RNF6: variants seen among roughly 807,000 people sequenced by gnomAD.
RNF6 encodes E3 ubiquitin-protein ligase RNF6.
RNF6 carries 21 observed loss-of-function variants against 50.1 expected under a neutral mutation model. The ratio of observed to expected loss-of-function variants is 0.42; its 90% confidence interval spans 0.30 to 0.60. The LOEUF is 0.60. RNF6 is among the 20% of genes least tolerant of loss of function. RNF6 has a pLI of 0.20. For missense variants in RNF6, 698 were observed against 838.2 expected (o/e 0.83, Z 2.07); for synonymous variants, 255 against 291.8 (o/e 0.87, Z 1.29).
Position 26,155,470 on chromosome 13 carries a change from G to A in RNF6, n.769-23019C>T, listed in dbSNP as rs142992805. On this transcript the variant is annotated intron_variant and non_coding_transcript_variant, in intron 5 of 5. Transcript: ENST00000468480. ...ATCCCAGTGAAGTGGGGTGGAGGAT[G>A]GGGCAATAATATAGAACAGGGTTCA... Among the ~76,000 whole-genome samples the A allele has an allele frequency of 3.3e-3, 498 of 152,204 alleles. 1 individual carries two copies. Among genetic ancestry groups the A allele is most frequent in the Non-Finnish European group, 5.6e-3 (380 of 67,982 alleles).
At chr13:26,161,823 C>T (rs1872228639) in intron 5 of RNF6, among the ~76,000 whole-genome samples, 1 of 152,178 alleles carries the variant, frequency 6.6e-6, no homozygotes, top group Non-Finnish European at 1.5e-5. Flanking sequence ...TTTGCCCTGC[C>T]TAGCAGAAAA....
At chr13:26,150,701 G>A (rs1871545008) in intron 5 of RNF6, 1 of 149,394 alleles carries the variant, frequency 6.7e-6, no homozygotes, top group East Asian at 2.0e-4. Flanking sequence ...TAGACTTAAA[G>A]GAATTACACC....
Position 26,214,696 on chromosome 13 carries a change from T to C in RNF6, c.1186A>G (p.Thr396Ala), listed in dbSNP as rs769065679. ...RSSTAVRRHP[T>A]ITLDLQVRRI... is the part of the protein sequence containing the mutation. Reference sequence around the variant, plus strand: ...CTCACTTGAAGGTCCAGTGTGATTGTTGGATGTCGTCGTACAGCAGTTGAG... The same window carrying C: ...CTCACTTGAAGGTCCAGTGTGATTGCTGGATGTCGTCGTACAGCAGTTGAG... The change falls in exon 5 of 5, where the codon ACA becomes GCA. Residue 396 changes from threonine to alanine, a missense_variant. Thr to Ala is a moderately conservative substitution (Grantham distance 58, BLOSUM62 0). Coordinates refer to ENST00000381588, the MANE Select transcript of RNF6 (RefSeq NM_005977.4). 3.5e-5 allele frequency: 57 copies of C among 1,614,124 alleles called. No homozygotes were observed. The highest frequency in any genetic ancestry group is 4.5e-5 in the Non-Finnish European group (53 of 1,180,044).
intron 5 of RNF6, among the ~76,000 whole-genome samples, chr13:26,148,130 G>C (rs905786568): frequency 9.2e-5 from 14 of 152,090 alleles, no homozygotes; most frequent in African/African-American, 3.4e-4. Flanking sequence ...TTCACAAGGG[G>C]GCAGGAAAGA....
intron 5 of RNF6, among the ~76,000 whole-genome samples, chr13:26,197,312 C>T (rs1214852356): frequency 6.6e-6 from 1 of 151,944 alleles, no homozygotes; most frequent in African/African-American, 2.4e-5. Flanking sequence ...AAGCTTACAA[C>T]TACAAATCTT....
intron 5 of RNF6, among the ~76,000 whole-genome samples, chr13:26,198,773 A>G (rs1224593538): frequency 1.3e-5 from 2 of 152,082 alleles, no homozygotes; most frequent in Non-Finnish European, 2.9e-5. Flanking sequence ...TTAAATAAGT[A>G]AATTTAGCAA....
In RNF6 at chr13:26,213,900, C is replaced by T. The variant is rs553039667; in HGVS notation, c.1982G>A (p.Arg661Gln). 3.9e-5 allele frequency: 63 copies of T among 1,614,024 alleles called. No individual in the cohort carries two copies. In the Admixed American group the frequency reaches 5.3e-4, roughly 14 times the overall value. ...ACAAGTGCAATTCTCTGAGAGCCAT[C>T]GGTCAATACAATGAATGTGAAATTC... ...MHEFHIHCID[R>Q]WLSENCTCPI... Residue 661 changes from arginine (R) to glutamine (Q), a missense_variant, in exon 5 of 5, where the codon CGA becomes CAA. Physicochemically the swap from Arg to Gln is conservative, Grantham distance 43. Coordinates refer to ENST00000381588, the MANE Select transcript of RNF6 (RefSeq NM_005977.4).
At chr13:26,140,251 T>C (rs902137297) in intron 5 of RNF6, among the ~76,000 whole-genome samples, 1 of 152,204 alleles carries the variant, frequency 6.6e-6, no homozygotes, top group African/African-American at 2.4e-5. Context: ...CAGCCAAAAT[T>C]AATTGAAAGG....
At chr13:26,151,940 C>T (rs1181471972) in intron 5 of RNF6, among the ~76,000 whole-genome samples, 2 of 152,266 alleles carry the variant, frequency 1.3e-5, no homozygotes, top group East Asian at 1.9e-4. Flanking sequence ...CTTTTCCTCA[C>T]GCAAGGCACC....
At chr13:26,174,781 G>A (rs965953534) in intron 5 of RNF6, among the ~76,000 whole-genome samples, 45 of 152,128 alleles carry the variant, frequency 3.0e-4, no homozygotes, top group African/African-American at 8.2e-4. Context: ...TCCCCAGCCC[G>A]CCTTGTAAAA....
intron 5 of RNF6, among the ~76,000 whole-genome samples, chr13:26,188,923 C>T (rs916439605): frequency 4.0e-5 from 6 of 151,880 alleles, no homozygotes; most frequent in African/African-American, 9.7e-5. Context: ...CCACTGCGCC[C>T]GGCTCAGAAC....
intron 5 of RNF6, among the ~76,000 whole-genome samples, chr13:26,137,135 CT>C (rs1192901745): frequency 2.0e-5 from 3 of 152,174 alleles, no homozygotes; most frequent in Non-Finnish European, 4.4e-5. Context: ...AGACTTCCCC[CT>C]GAAAGCTTGT....
At chr13:26,154,018 G>A (rs536381845) in intron 5 of RNF6, 4 of 152,114 alleles carry the variant, frequency 2.6e-5, no homozygotes, top group East Asian at 3.9e-4. Context: ...AAATTCTTAC[G>A]AGTGTTTCCT....
rs374286213 is a variant in RNF6, at chr13:26,143,797, C to T, written n.769-11346G>A. Reference sequence around the variant, plus strand: ...CAGGGTGGTGGTGAACGTGGTAAGACTAGTGAATTCCATGAGCATGGGCCC... The same window carrying T: ...CAGGGTGGTGGTGAACGTGGTAAGATTAGTGAATTCCATGAGCATGGGCCC... On this transcript the variant is annotated intron_variant and non_coding_transcript_variant, in intron 5 of 5. Coordinates refer to the RNF6 transcript ENST00000468480. Among the ~76,000 whole-genome samples, 85 of 152,304 alleles carry T rather than the reference C, an allele frequency of 5.6e-4. 1 individual carries two copies. In the South Asian group the frequency reaches 0.017, roughly 31 times the overall value.
At chr13:26,179,173 C>A (rs1477807231) in intron 5 of RNF6, among the ~76,000 whole-genome samples, 1 of 151,764 alleles carries the variant, frequency 6.6e-6, no homozygotes, top group East Asian at 1.9e-4. Flanking sequence ...TGTAAGGGTT[C>A]TTGACTCTGG....
chr13:26,187,274 GGGGAAA>G (rs763294533), intron 5 of RNF6, among the ~76,000 whole-genome samples: 10,682 of 152,250 alleles, frequency 0.07, 512 homozygotes, highest in Middle Eastern at 0.12. Context: ...GAATAGAAAG[GGGGAAA>G]GCCCTGGAAA....
At chr13:26,196,854 A>G (rs1257084976) in intron 5 of RNF6, among the ~76,000 whole-genome samples, 1 of 151,962 alleles carries the variant, frequency 6.6e-6, no homozygotes, top group Non-Finnish European at 1.5e-5. Flanking sequence ...TCCTTAAATG[A>G]AAACTGATTG....
At chr13:26,150,430 C>G (rs761960050) in intron 5 of RNF6, among the ~76,000 whole-genome samples, 12 of 151,990 alleles carry the variant, frequency 7.9e-5, no homozygotes, top group Non-Finnish European at 1.6e-4. Context: ...CAGATAGGGT[C>G]AGAGCAAACA....
intron 5 of RNF6, among the ~76,000 whole-genome samples, chr13:26,197,041 G>A (rs997492724): frequency 2.0e-5 from 3 of 151,912 alleles, no homozygotes; most frequent in African/African-American, 7.3e-5. Context: ...ATGGGACATG[G>A]GAAGAGTGAT....
Sources: allele counts gnomAD v4.1 joint callset (sites outside exome capture counted in the v4.1 genomes callset), GRCh38; gene constraint gnomAD v4.1.1; transcripts MANE v1.5; gene names NCBI Gene and HGNC (gene_info 2026-07-23, HGNC 2026-07-21).